The following ACP3 variants were observed in gnomAD, a reference collection of about 807,000 sequenced individuals.
ACP3 encodes acid phosphatase 3.
A neutral mutation model predicts 45.6 loss-of-function variants in ACP3; 38 were observed. That is an observed-to-expected ratio of 0.83 (90% CI 0.64 to 1.09). The LOEUF (loss-of-function observed/expected upper bound fraction) is 1.09, where lower values mean the gene tolerates loss of function less well. Ranked by LOEUF, ACP3 falls within the 50% of genes least tolerant of loss-of-function variation. The pLI is 0.00. For synonymous variants in ACP3, 162 were observed against 164.7 expected (o/e 0.98, Z 0.13); for missense variants, 466 against 463.2 (o/e 1.01, Z -0.05).
chr3:132,351,943 C>G (rs1937750917), intron 8 of ACP3, among the ~76,000 whole-genome samples: 1 of 152,202 alleles, frequency 6.6e-6, no homozygotes, highest in South Asian at 2.1e-4. Flanking sequence ...TTTTAAATTG[C>G]ATCCTATACT....
At chr3:132,319,398 CT>C (rs1937165980) in intron 1 of ACP3, among the ~76,000 whole-genome samples, 1 of 152,188 alleles carries the variant, frequency 6.6e-6, no homozygotes, top group Non-Finnish European at 1.5e-5. Flanking sequence ...ACTGCAAGTA[CT>C]TACTGCAATT....
intron 1 of ACP3, among the ~76,000 whole-genome samples, chr3:132,324,770 G>A (rs1490635609): frequency 4.6e-5 from 7 of 152,170 alleles, no homozygotes; most frequent in Admixed American, 3.9e-4. Flanking sequence ...AGTCTCCCGA[G>A]TAGCTGGGAC....
Position 132,357,000 on chromosome 3 carries a change from T to C in ACP3, c.*122T>C, listed in dbSNP as rs1264153922. 14 of 1,410,554 alleles carry C rather than the reference T, an allele frequency of 9.9e-6. No individual in the cohort carries two copies. Among genetic ancestry groups the C allele is most frequent in the Non-Finnish European group, 1.3e-5 (14 of 1,083,930 alleles). 87.4% of individuals were successfully genotyped at this position (1,410,554 alleles called of 1,614,324 possible). On this transcript the variant is annotated 3_prime_UTR_variant, in exon 10 of 10. Coordinates refer to ENST00000336375, the MANE Select transcript of ACP3 (RefSeq NM_001099.5). ...AAATGGGCTTTGGATGATTATTTTA[T>C]GTTTTAGGGACCCCCAACCTCAGGC... is the stretch of plus-strand genomic sequence containing the variant.
At chr3:132,333,576 C>A (rs749862805) in intron 4 of ACP3, 2 of 152,564 alleles carry the variant, frequency 1.3e-5, no homozygotes, top group Non-Finnish European at 2.9e-5. Flanking sequence ...GGATTTTTCC[C>A]AAATGCTGTG....
At chr3:132,367,437 G>A (rs889247928) in intron 10 of ACP3, among the ~76,000 whole-genome samples, 3 of 152,160 alleles carry the variant, frequency 2.0e-5, no homozygotes, top group Admixed American at 2.0e-4. Context: ...GCTATAAGAG[G>A]ACTTAGAAAT....
chr3:132,364,751 T>A (rs1938102138), intron 10 of ACP3, among the ~76,000 whole-genome samples: 1 of 152,184 alleles, frequency 6.6e-6, no homozygotes, highest in Non-Finnish European at 1.5e-5. Flanking sequence ...GCTCACCACA[T>A]GTCTAGAAAG....
In ACP3 at chr3:132,322,382, C is replaced by T. The variant is rs78129319; in HGVS notation, c.120+4806C>T. 9.9e-3 allele frequency among the ~76,000 whole-genome samples: 1,510 copies of T among 152,282 alleles called. 35 individuals are homozygous for T. Among genetic ancestry groups the T allele is most frequent in the East Asian group, 0.093 (480 of 5,182 alleles). ...TCTGAAATGACACTCATTTACATTA[C>T]TCAATTATTTCTGCCCAAACTATTT... On this transcript the variant is annotated intron_variant, in intron 1 of 9. Transcript: ENST00000336375.
intron 1 of ACP3, among the ~76,000 whole-genome samples, chr3:132,323,075 C>T (rs1937234007): frequency 6.6e-6 from 1 of 152,078 alleles, no homozygotes; most frequent in Admixed American, 6.5e-5. Context: ...CAAAATAAAC[C>T]TCTTTCCTTT....
intron 7 of ACP3, among the ~76,000 whole-genome samples, chr3:132,349,199 T>G (rs116709040): frequency 6.6e-6 from 1 of 152,118 alleles, no homozygotes; most frequent in Non-Finnish European, 1.5e-5. Flanking sequence ...TACTGTAAGC[T>G]CTATATCTGT....
Position 132,342,682 on chromosome 3 carries a change from G to A in ACP3, c.648+38G>A, listed in dbSNP as rs776760430. The stretch of plus-strand genomic sequence containing the variant: ...AAAATCACAGGTTAACTTGCAATCT[G>A]ATTTTATGATTTATGCTTATTTTGA... On this transcript the variant is annotated intron_variant, in intron 6 of 9. Coordinates refer to ENST00000336375, the MANE Select transcript of ACP3 (RefSeq NM_001099.5). The A allele has an allele frequency of 5.7e-6, 7 of 1,237,014 alleles. No homozygotes were observed. In the African/African-American group the frequency reaches 1.1e-4, roughly 19 times the overall value. The allele number at this position is 1,237,014 out of a possible 1,614,324, so 76.6% of individuals were successfully genotyped here. A position where few individuals can be genotyped will look rare whatever the true frequency, so the allele number is the denominator to read the frequency against.
chr3:132,347,725 C>G (rs902111299), intron 7 of ACP3, among the ~76,000 whole-genome samples: 1 of 152,186 alleles, frequency 6.6e-6, no homozygotes, highest in African/African-American at 2.4e-5. Context: ...CTCAAGCGAT[C>G]CTCCACCTTG....
intron 1 of ACP3, among the ~76,000 whole-genome samples, chr3:132,318,298 G>A (rs750272800): frequency 2.0e-5 from 3 of 151,986 alleles, no homozygotes; most frequent in African/African-American, 7.2e-5. Flanking sequence ...TTTTCCTTCT[G>A]TTTCACTCTT....
At chr3:132,363,159 G>A (rs1321378675), downstream of ACP3, among the ~76,000 whole-genome samples, 1 of 152,132 alleles carries the variant, frequency 6.6e-6, no homozygotes, top group African/African-American at 2.4e-5. Context: ...TCTTTTCTTT[G>A]TTTTCAGGTT....
intron 4 of ACP3, among the ~76,000 whole-genome samples, chr3:132,335,566 T>C (rs1231048485): frequency 1.3e-5 from 2 of 152,050 alleles, no homozygotes; most frequent in African/African-American, 4.8e-5. Flanking sequence ...TTATAGGAAA[T>C]AGATGATAAA....
chr3:132,367,885 C>G (rs1938156724), exon 11 of ACP3: 3 of 1,233,204 alleles, frequency 2.4e-6, no homozygotes. Flanking sequence ...GGTGCCGCAT[C>G]TAAAGGACAG....
chr3:132,325,199 A>G (rs1370614886), intron 1 of ACP3, among the ~76,000 whole-genome samples: 1 of 152,112 alleles, frequency 6.6e-6, no homozygotes, highest in African/African-American at 2.4e-5. Flanking sequence ...CCAGCTTCAC[A>G]TTTGCCTGCG....
At chr3:132,365,195 A>T (rs2107825166) in intron 10 of ACP3, among the ~76,000 whole-genome samples, 1 of 152,358 alleles carries the variant, frequency 6.6e-6, no homozygotes, top group South Asian at 2.1e-4. Context: ...AAAAGACAAA[A>T]GTTCCTGCCT....
chr3:132,342,613 GGAGTAAAGTCTAC>G lies in ACP3; in HGVS notation c.620_632del (p.Ser207ThrfsTer22), dbSNP rs751367677. 8.2e-4 allele frequency: 1,314 copies of G among 1,611,678 alleles called. 11 individuals carry two copies. The highest frequency in any genetic ancestry group is 1.3e-3 in the Middle Eastern group (8 of 6,052). ...CATGGCCAGGACCTTTTTGGAATTT[GGAGTAAAGTCTAC>G]GACCCTTTATATTGTGAGGTAAAAG... On this transcript the variant is annotated frameshift_variant, in exon 6 of 10. Transcript: ENST00000336375. LOFTEE classifies it high-confidence loss of function.
rs1227973036 is a variant in ACP3, at chr3:132,352,722, T to TA, written c.867_868insA (p.Asp290ArgfsTer32). 3 of 1,608,648 alleles carry TA rather than the reference T, an allele frequency of 1.9e-6. No homozygotes were observed. The African/African-American group carries it at 4.0e-5, about 22-fold the overall frequency. ...AAAATTGATTTCAATCTCTGTAGCA[T>TA]GACACTACTGTGAGTGGCCTACAGA... On this transcript the variant is annotated frameshift_variant, in exon 9 of 10. Transcript: ENST00000336375. LOFTEE classifies it high-confidence loss of function.
Sources: allele counts gnomAD v4.1 joint callset (sites outside exome capture counted in the v4.1 genomes callset), GRCh38; gene constraint gnomAD v4.1.1; transcripts MANE v1.5; gene names NCBI Gene and HGNC (gene_info 2026-07-23, HGNC 2026-07-21).